PCDHGA12: variants seen among roughly 807,000 people sequenced by gnomAD.
The protein encoded by PCDHGA12 is protocadherin gamma subfamily A, 12, also known as protocadherin gamma-A12.
Under a neutral mutation model 61.1 loss-of-function variants are expected in PCDHGA12, and 43 were observed. That is an observed-to-expected ratio of 0.70 (90% CI 0.55 to 0.91). PCDHGA12 has a LOEUF of 0.91. Ranked by LOEUF, PCDHGA12 falls within the 40% of genes least tolerant of loss-of-function variation. The pLI is 0.00. For missense variants in PCDHGA12, 1,236 were observed against 1,227.7 expected, an observed-to-expected ratio of 1.01 and a Z score of -0.10; for synonymous variants, 520 against 542.9, an observed-to-expected ratio of 0.96 and a Z score of 0.59.
chr5:141,489,944 T>A lies in PCDHGA12; in HGVS notation c.2425-4863T>A. On this transcript the variant is annotated intron_variant, in intron 1 of 3. Coordinates refer to ENST00000252085, the MANE Select transcript of PCDHGA12 (RefSeq NM_003735.3). The surrounding 1 kb of genome is among the most constrained non-coding windows in gnomAD (Gnocchi z 4.5). ...CTTATCTCTGTCATCGTGCTGGACA[T>A]CAATGATAATGCTCCAACCTTCCAA... 1 of 1,614,172 alleles carries A rather than the reference T, an allele frequency of 6.2e-7. No individual in the cohort carries two copies. The highest frequency in any genetic ancestry group is 8.5e-7 in the Non-Finnish European group (1 of 1,180,010).
At position 141,431,468 on chromosome 5, in the gene PCDHGA12, G is replaced by A. The variant is rs756718016; in HGVS notation, c.709G>A (p.Asp237Asn). ...CCGCGTGATGGTTCTGGATGCGAAC[G>A]ACAACGCACCAGCGTTTGCTCAGCC... ...RIRVMVLDAN[D>N]NAPAFAQPEY... Residue 237 changes from aspartate to asparagine, a missense_variant, in exon 1 of 4, where the codon GAC (aspartate) becomes AAC (asparagine). Physicochemically the swap from Asp to Asn is conservative, Grantham distance 23. Transcript: ENST00000252085. This position sits in a 1 kb window ranked among gnomAD's most constrained non-coding sequence, Gnocchi z 4.8. The A allele has an allele frequency of 3.7e-6, 6 of 1,613,804 alleles. No homozygotes were observed. In the Admixed American group the frequency reaches 8.3e-5, roughly 22 times the overall value.
At chr5:141,506,444 CAAAA>C (rs1219684339) in intron 3 of PCDHGA12, among the ~76,000 whole-genome samples, 5 of 95,022 alleles carry the variant, frequency 5.3e-5, no homozygotes, top group Admixed American at 1.1e-4. Context: ...CGCTCTGTCT[CAAAA>C]AAAAAAAAAA....
intron 1 of PCDHGA12, among the ~76,000 whole-genome samples, chr5:141,455,130 A>G (rs1446894125): frequency 6.6e-6 from 1 of 150,872 alleles, no homozygotes; most frequent in South Asian, 2.1e-4. Flanking sequence ...GTTTTAAATT[A>G]CACTGTGTTA....
intron 1 of PCDHGA12, among the ~76,000 whole-genome samples, chr5:141,484,819 G>A (rs2099601374): frequency 1.3e-5 from 2 of 152,122 alleles, no homozygotes; most frequent in Admixed American, 1.3e-4. Flanking sequence ...GCCGTTGAGC[G>A]GGAGGAAGGC....
rs2099411033 is a variant in PCDHGA12, at chr5:141,477,423, C to T, written c.2425-17384C>T. ...ACCGCCCGAGACGCCGGAACCCCTT[C>T]CCTCTCAGCCCTTACAATAGTGCGT... On this transcript the variant is annotated intron_variant, in intron 1 of 3. Coordinates refer to ENST00000252085, the MANE Select transcript of PCDHGA12 (RefSeq NM_003735.3). This position sits in a 1 kb window ranked among gnomAD's most constrained non-coding sequence, Gnocchi z 4.9. 1.9e-6 allele frequency: 3 copies of T among 1,614,196 alleles called. No individual in the cohort carries two copies. The highest frequency in any genetic ancestry group is 2.2e-5 in the East Asian group (1 of 44,882).
intron 2 of PCDHGA12, among the ~76,000 whole-genome samples, chr5:141,497,614 A>C (rs1377740795): frequency 6.8e-6 from 1 of 146,530 alleles, no homozygotes; most frequent in African/African-American, 2.6e-5. Context: ...ATCTTGGCTC[A>C]CTGCAACCTC....
intron 1 of PCDHGA12, 106 bp from the exon 2 acceptor site, chr5:141,494,701 C>T: frequency 6.3e-7 from 1 of 1,594,596 alleles, no homozygotes; most frequent in Admixed American, 1.7e-5. Flanking sequence ...CCGTTTTCTT[C>T]TCTGTGCCCA....
chr5:141,472,779 A>C (rs908169292), intron 1 of PCDHGA12, among the ~76,000 whole-genome samples: 5 of 152,012 alleles, frequency 3.3e-5, no homozygotes, highest in Non-Finnish European at 7.4e-5. Context: ...TGAGGTTGGG[A>C]GTTCAAGATC....
chr5:141,431,464 G>A lies in PCDHGA12; in HGVS notation c.705G>A (p.Ala235=). The A allele has an allele frequency of 1.9e-6, 3 of 1,613,782 alleles. No individual in the cohort carries two copies. Among genetic ancestry groups the A allele is most frequent in the Non-Finnish European group, 1.7e-6 (2 of 1,179,972 alleles). The part of the protein sequence containing the change: ...TARIRVMVLD[A]NDNAPAFAQP... ...GCATCCGCGTGATGGTTCTGGATGC[G>A]AACGACAACGCACCAGCGTTTGCTC... Residue 235 remains alanine, a synonymous_variant, in exon 1 of 4, where the codon GCG becomes GCA. Coordinates refer to ENST00000252085, the MANE Select transcript of PCDHGA12 (RefSeq NM_003735.3). This position sits in a 1 kb window ranked among gnomAD's most constrained non-coding sequence, Gnocchi z 4.8.
chr5:141,432,511 C>T lies in PCDHGA12; in HGVS notation c.1752C>T (p.Pro584=). ...AGCTGGCTCCCCGCTCCGCAGAGCC[C>T]GGCTACCTGGTGACCAAGGTGGTGG... is the stretch of plus-strand genomic sequence containing the variant. ...GVELAPRSAE[P]GYLVTKVVAV... Residue 584 remains proline (P), a synonymous_variant, in exon 1 of 4, where the codon CCC becomes CCT. Coordinates refer to ENST00000252085, the MANE Select transcript of PCDHGA12 (RefSeq NM_003735.3). This position sits in a 1 kb window ranked among gnomAD's most constrained non-coding sequence, Gnocchi z 6.0. 1 of 1,614,118 alleles carries T rather than the reference C, an allele frequency of 6.2e-7. No homozygotes were observed. The highest frequency in any genetic ancestry group is 8.5e-7 in the Non-Finnish European group (1 of 1,180,042).
chr5:141,480,240 C>CAA (rs11374694), intron 1 of PCDHGA12, among the ~76,000 whole-genome samples: 156 of 114,060 alleles, frequency 1.4e-3, no homozygotes, highest in Admixed American at 4.6e-3. Flanking sequence ...CCTGTCTCTA[C>CAA]AAAAAAAAAA....
chr5:141,450,608 T>C (rs916441293), intron 1 of PCDHGA12, among the ~76,000 whole-genome samples: 5 of 151,776 alleles, frequency 3.3e-5, no homozygotes, highest in Admixed American at 2.6e-4. Flanking sequence ...TGCCTCAGCC[T>C]CCTGAGTAGC....
chr5:141,444,281 C>T (rs1256106299), intron 1 of PCDHGA12, among the ~76,000 whole-genome samples: 1 of 146,976 alleles, frequency 6.8e-6, no homozygotes, highest in African/African-American at 2.5e-5. Context: ...AAGTGATTCT[C>T]CTGCCTCAGC....
In PCDHGA12 at chr5:141,433,201, CTTCT is replaced by C. The variant is rs759014851; in HGVS notation, c.2424+25_2424+28del. 3.9e-5 allele frequency: 61 copies of C among 1,573,466 alleles called. No homozygotes were observed. Among genetic ancestry groups the C allele is most frequent in the Admixed American group, 1.2e-4 (6 of 51,596 alleles). The stretch of plus-strand genomic sequence containing the variant: ...TAATTGAGGTGAGTTTATATCAAAT[CTTCT>C]TTCTTTTTTTTTTTTAATTGCTCTG... On this transcript the variant is annotated intron_variant, in intron 1 of 3. Transcript: ENST00000252085.
chr5:141,506,544 G>GT (rs2099854759), intron 3 of PCDHGA12, among the ~76,000 whole-genome samples: 1 of 151,880 alleles, frequency 6.6e-6, no homozygotes, highest in Non-Finnish European at 1.5e-5. Flanking sequence ...GAGTCCTTAG[G>GT]TAAGTTATTA....
intron 1 of PCDHGA12, among the ~76,000 whole-genome samples, chr5:141,484,319 C>T (rs1191113560): frequency 6.6e-6 from 1 of 152,212 alleles, no homozygotes; most frequent in Non-Finnish European, 1.5e-5. Context: ...CGCTTCCATA[C>T]TGTCCTTGAA....
At chr5:141,484,872 G>T in intron 1 of PCDHGA12, 1 of 319,608 alleles carries the variant, frequency 3.1e-6, no homozygotes, top group Non-Finnish European at 5.8e-6. Context: ...GGAGCGTGGA[G>T]GATAGGGTGG....
intron 1 of PCDHGA12, among the ~76,000 whole-genome samples, chr5:141,448,768 G>A (rs544426582): frequency 1.3e-5 from 2 of 151,632 alleles, no homozygotes; most frequent in Non-Finnish European, 2.9e-5. Flanking sequence ...GTGAAACCCC[G>A]TCTGTACTAA....
rs2099622509 is a variant in PCDHGA12 at position 141,485,988 on chromosome 5, G to T, written c.2425-8819G>T. On this transcript the variant is annotated intron_variant, in intron 1 of 3. Coordinates refer to ENST00000252085, the MANE Select transcript of PCDHGA12 (RefSeq NM_003735.3). The surrounding 1 kb of genome is among the most constrained non-coding windows in gnomAD (Gnocchi z 5.7). The stretch of plus-strand genomic sequence containing the variant: ...CTCAATGCCTCAGACCCGGACCTGG[G>T]TCCCAGTGGTAACGTCACCTTTTAT... 16 of 1,614,188 alleles carry T rather than the reference G, an allele frequency of 9.9e-6. No homozygotes were observed. The highest frequency in any genetic ancestry group is 1.4e-5 in the Non-Finnish European group (16 of 1,180,038).
Sources: allele counts gnomAD v4.1 joint callset (sites outside exome capture counted in the v4.1 genomes callset), GRCh38; gene constraint gnomAD v4.1.1; non-coding constraint Gnocchi (gnomAD v3.1); transcripts MANE v1.5; gene names NCBI Gene and HGNC (gene_info 2026-07-23, HGNC 2026-07-21).